TERB1: variants seen among roughly 807,000 people sequenced by gnomAD.
The protein encoded by TERB1 is telomere repeat binding bouquet formation protein 1, also known as telomere repeats-binding bouquet formation protein 1.
In TERB1, 63 loss-of-function variants were observed where a neutral mutation model predicts 92.3. The observed-to-expected ratio is 0.68, with a 90% CI of 0.56 to 0.84. The LOEUF (loss-of-function observed/expected upper bound fraction) is 0.84. Ranked by LOEUF, TERB1 falls within the 40% of genes least tolerant of loss-of-function variation. The probability of loss-of-function intolerance (pLI) is 0.00; values close to 1 mark genes in which losing one functional copy is unlikely to be tolerated. For synonymous variants in TERB1, 252 were observed against 283.9 expected, an observed-to-expected ratio of 0.89 and a Z score of 1.13; for missense variants, 709 against 843.7, an observed-to-expected ratio of 0.84 and a Z score of 1.98.
intron 16 of TERB1, among the ~76,000 whole-genome samples, chr16:66,764,572 T>C (rs1354184608): frequency 6.6e-6 from 1 of 152,194 alleles, no homozygotes; most frequent in Non-Finnish European, 1.5e-5. Flanking sequence ...AACAGTGATA[T>C]GCATATTATA....
chr16:66,772,797 T>G (rs377675573), intron 12 of TERB1, 48 bp from the exon 13 acceptor site: 111 of 1,418,704 alleles, frequency 7.8e-5, no homozygotes, highest in Middle Eastern at 7.6e-4. Context: ...TTTAAACACT[T>G]TATATATAAG....
At chr16:66,769,392 T>C (rs1400525917) in intron 14 of TERB1, among the ~76,000 whole-genome samples, 1 of 152,016 alleles carries the variant, frequency 6.6e-6, no homozygotes, top group Non-Finnish European at 1.5e-5. Context: ...TTTTCCCAAG[T>C]ACAGTAACCA....
intron 5 of TERB1, 123 bp downstream of exon 5, chr16:66,790,472 A>C: frequency 1.6e-6 from 1 of 638,196 alleles, no homozygotes. Flanking sequence ...GAAGGAGGCT[A>C]GATAAAATTA....
chr16:66,772,297 T>C (rs2018465906), intron 13 of TERB1, among the ~76,000 whole-genome samples: 1 of 152,068 alleles, frequency 6.6e-6, no homozygotes, highest in Non-Finnish European at 1.5e-5. Context: ...CTGGCCAACA[T>C]GAGGAAACCC....
Position 66,777,280 on chromosome 16 carries a change from A to C in TERB1, c.908T>G (p.Leu303Ter). 5 of 1,550,224 alleles carry C rather than the reference A, an allele frequency of 3.2e-6. No homozygotes were observed. The highest frequency in any genetic ancestry group is 4.4e-6 in the Non-Finnish European group (5 of 1,145,728). The change falls in exon 11 of 19, where the codon TTA becomes TGA. Residue 303 changes from leucine to a stop codon, truncating the protein, a stop_gained. Transcript: ENST00000433154. LOFTEE classifies it high-confidence loss of function. ...KYHIVSKLLA[L>*]LLHESLDSGE... is the part of the protein sequence containing the mutation. ...TGAATCCAGACTTTCATGAAGCAGT[A>C]ATGCCAGAAGTTTAGAAACAATGTG...
rs78216962 is a variant in TERB1, at chr16:66,755,148, C to A, written c.2012G>T (p.Arg671Leu). The A allele has an allele frequency of 6.5e-7, 1 of 1,532,330 alleles. No individual in the cohort carries two copies. The highest frequency in any genetic ancestry group is 8.8e-7 in the Non-Finnish European group (1 of 1,130,876). 94.9% of individuals were successfully genotyped at this position (1,532,330 alleles called of 1,614,324 possible). ...TACTTCTTCTTCAGTAAAGTTTTTG[C>A]GAATTCTTCTTTTTTCTATAATTAG... ...TPGGIKKRRI[R>L]KNFTEEEVNY... Residue 671 changes from arginine (R) to leucine (L), a missense_variant, in exon 19 of 19, where the codon CGC becomes CTC. By Grantham distance (102) the Arg-to-Leu change is moderately radical. Coordinates refer to ENST00000433154, the MANE Select transcript of TERB1 (RefSeq NM_001136505.2).
chr16:66,759,455 G>A (rs1055481570), intron 16 of TERB1, among the ~76,000 whole-genome samples, 165 bp from the exon 17 acceptor site: 1 of 152,114 alleles, frequency 6.6e-6, no homozygotes, highest in Non-Finnish European at 1.5e-5. Flanking sequence ...AAATACAACA[G>A]AGTGAAATAA....
intron 18 of TERB1, 107 bp from the exon 19 acceptor site, chr16:66,755,270 A>C: frequency 1.4e-6 from 1 of 700,672 alleles, no homozygotes; most frequent in Non-Finnish European, 2.3e-6. Flanking sequence ...GATATAAACT[A>C]CAGAGTGAGA....
chr16:66,793,779 T>C (rs1218837984), intron 3 of TERB1, among the ~76,000 whole-genome samples: 1 of 151,786 alleles, frequency 6.6e-6, no homozygotes, highest in Admixed American at 6.6e-5. Flanking sequence ...TCCCAAAGTG[T>C]TGGGATTACA....
chr16:66,760,226 T>G (rs1469954474), intron 16 of TERB1, among the ~76,000 whole-genome samples: 1 of 136,386 alleles, frequency 7.3e-6, no homozygotes, highest in East Asian at 2.2e-4. Flanking sequence ...TTTGGGAGGC[T>G]GAGGCGGGCT....
At chr16:66,772,401 G>A (rs2018467156) in intron 13 of TERB1, among the ~76,000 whole-genome samples, 188 bp downstream of exon 13, 1 of 152,176 alleles carries the variant, frequency 6.6e-6, no homozygotes, top group Non-Finnish European at 1.5e-5. Context: ...AGAATCACTT[G>A]AACTTGGGAG....
intron 12 of TERB1, among the ~76,000 whole-genome samples, 198 bp downstream of exon 12, chr16:66,774,920 C>T (rs1201252251): frequency 1.3e-5 from 2 of 151,660 alleles, no homozygotes; most frequent in South Asian, 2.1e-4. Context: ...TGGTCTTGAA[C>T]TCCTGGACTC....
rs1316485152 is a variant in TERB1 at position 66,801,472 on chromosome 16, T to TTTCCAAGC, written c.-122_-115dup. The TTTCCAAGC allele has an allele frequency of 6.6e-6, 1 of 151,406 alleles. No individual in the cohort carries two copies. The highest frequency in any genetic ancestry group is 1.5e-5 in the Non-Finnish European group (1 of 67,830). 9.4% of individuals were successfully genotyped at this position (151,406 alleles called of 1,614,324 possible). ...CTTACACAGGCGCCAACATACAGAGTTTCCAAGCGCGGTAAGGCAGGACAA... is the reference window on the plus strand; with the variant it reads ...CTTACACAGGCGCCAACATACAGAGTTTCCAAGCTTCCAAGCGCGGTAAGGCAGGACAA... On this transcript the variant is annotated 5_prime_UTR_variant, in exon 1 of 19. The change abolishes the stop of an existing upstream ORF in the 5' untranslated region. Coordinates refer to ENST00000433154, the MANE Select transcript of TERB1 (RefSeq NM_001136505.2).
chr16:66,773,393 C>CT (rs111259842), intron 12 of TERB1, among the ~76,000 whole-genome samples: 4,874 of 141,628 alleles, frequency 0.034, 194 homozygotes, highest in African/African-American at 0.11. Context: ...TCCTATAATC[C>CT]TTTTTTTTTA....
In TERB1 at chr16:66,765,849, A is replaced by ATTT. The variant is rs10564947; in HGVS notation, c.1780+1563_1780+1565dup. ...TAGCAAATCAAACAAACTATTGGGT[A>ATTT]TTTTTTTTTTTTTTTTTTTTTTTTT... On this transcript the variant is annotated intron_variant, in intron 16 of 18. Transcript: ENST00000433154. Among the ~76,000 whole-genome samples, 311 of 62,520 alleles carry ATTT rather than the reference A, an allele frequency of 5.0e-3. 15 individuals are homozygous for ATTT. The highest frequency in any genetic ancestry group is 0.017 in the Middle Eastern group (1 of 58). The allele number at this position is 62,520 out of a possible 152,430, so 41.0% of individuals were successfully genotyped here.
chr16:66,755,621 A>G (rs1044797409), intron 18 of TERB1, among the ~76,000 whole-genome samples: 6 of 151,982 alleles, frequency 3.9e-5, no homozygotes, highest in Non-Finnish European at 5.9e-5. Flanking sequence ...CCAAAAATAC[A>G]AAAAGTAGCC....
chr16:66,766,457 G>C (rs1436789353), intron 16 of TERB1, among the ~76,000 whole-genome samples: 1 of 152,124 alleles, frequency 6.6e-6, no homozygotes, highest in Admixed American at 6.6e-5. Flanking sequence ...AAATACCGGG[G>C]TGTGAAGGAG....
At position 66,754,849 on chromosome 16, in the gene TERB1, G is replaced by C. The variant is rs1412661900; in HGVS notation, c.*127C>G. 2.4e-6 allele frequency: 2 copies of C among 850,480 alleles called. No individual in the cohort carries two copies. The highest frequency in any genetic ancestry group is 1.7e-5 in the African/African-American group (1 of 58,026). The allele number at this position is 850,480 out of a possible 1,614,324, so 52.7% of individuals were successfully genotyped here. A position where few individuals can be genotyped will look rare whatever the true frequency, so the allele number is the denominator to read the frequency against. On this transcript the variant is annotated 3_prime_UTR_variant, in exon 19 of 19. Transcript: ENST00000433154. ...GATGAGTTTCAGCATCACAAAAACTGTTTAATGAAAACTGTATCCTCATTT... is the reference window on the plus strand; with the variant it reads ...GATGAGTTTCAGCATCACAAAAACTCTTTAATGAAAACTGTATCCTCATTT...
At chr16:66,788,101 A>T (rs1313037114) in intron 6 of TERB1, 68 bp downstream of exon 6, 1 of 1,227,298 alleles carries the variant, frequency 8.1e-7, no homozygotes, top group Non-Finnish European at 1.1e-6. Flanking sequence ...GAACTCAAAT[A>T]AAAAATTAAT....
Sources: allele counts gnomAD v4.1 joint callset (sites outside exome capture counted in the v4.1 genomes callset), GRCh38; gene constraint gnomAD v4.1.1; transcripts MANE v1.5; gene names NCBI Gene and HGNC (gene_info 2026-07-23, HGNC 2026-07-21).